The following ABCC1 variants were observed in gnomAD, a reference collection of about 807,000 sequenced individuals.
ABCC1 encodes multidrug resistance-associated protein 1.
Under a neutral mutation model 172.9 loss-of-function variants are expected in ABCC1, and 83 were observed. That is an observed-to-expected ratio of 0.48 (90% CI 0.40 to 0.58). The LOEUF (loss-of-function observed/expected upper bound fraction) is 0.58, where lower values mean the gene tolerates loss of function less well. Among genes scored for constraint, ABCC1 ranks in the 20% least tolerant of loss-of-function variants. The pLI is 0.00. For synonymous variants in ABCC1, 937 were observed against 825.2 expected (o/e 1.14, Z -2.32); for missense variants, 1,817 against 2,002.7 (o/e 0.91, Z 1.77).
Position 16,102,611 on chromosome 16 carries a change from G to A in ABCC1, c.2645-16G>A. On this transcript the variant is annotated splice_polypyrimidine_tract_variant and intron_variant, in intron 19 of 30. Coordinates refer to ENST00000399410, the MANE Select transcript of ABCC1 (RefSeq NM_004996.4). ...TCATATAACCCCACTTGCCCCCTTT[G>A]TCTCTCTTCTGCCAGGGGTCACGGG... is the stretch of plus-strand genomic sequence containing the variant. 6.4e-7 allele frequency: 1 copy of A among 1,564,942 alleles called. No homozygotes were observed. The highest frequency in any genetic ancestry group is 8.7e-7 in the Non-Finnish European group (1 of 1,154,182).
intron 7 of ABCC1, among the ~76,000 whole-genome samples, chr16:16,043,298 T>G (rs1320327576): frequency 2.0e-5 from 2 of 100,228 alleles, no homozygotes; most frequent in Non-Finnish European, 4.8e-5. Flanking sequence ...GTTGTTCTTT[T>G]TTTTGTTTTG....
intron 11 of ABCC1, 79 bp downstream of exon 11, chr16:16,052,895 T>C: frequency 1.4e-6 from 2 of 1,401,718 alleles, no homozygotes; most frequent in Admixed American, 3.5e-5. Flanking sequence ...TCCAGTTCCT[T>C]CTGCTCTGTC....
chr16:16,092,271 A>G (rs1304527268), intron 19 of ABCC1, among the ~76,000 whole-genome samples: 9 of 152,116 alleles, frequency 5.9e-5, no homozygotes. Flanking sequence ...AAAAATTCAT[A>G]CAACATACAA....
chr16:16,057,528 TC>T (rs945917264), intron 12 of ABCC1, among the ~76,000 whole-genome samples: 2 of 146,830 alleles, frequency 1.4e-5, no homozygotes, highest in Admixed American at 6.8e-5. Context: ...AATATTGTCA[TC>T]CATTGTAAAA....
chr16:16,019,338 A>G lies in ABCC1; in HGVS notation c.615+2717A>G, dbSNP rs1178015249. Among the ~76,000 whole-genome samples the G allele has an allele frequency of 2.6e-5, 4 of 152,174 alleles. No individual in the cohort carries two copies. The East Asian group carries it at 7.8e-4, about 30-fold the overall frequency. On this transcript the variant is annotated intron_variant, in intron 5 of 30. Transcript: ENST00000399410. ...CGGCTGGTCTCGAACTCCTGACCTC[A>G]AGTGATCCACCCGCCTCGGCCTCCC...
chr16:16,100,365 G>T (rs900538977), intron 19 of ABCC1, among the ~76,000 whole-genome samples: 6 of 496 alleles, frequency 0.012, no homozygotes, highest in South Asian at 0.5. Context: ...GTAGGAGAGC[G>T]GGGGGGCTCT....
At chr16:16,052,884 G>T (rs2049492276) in intron 11 of ABCC1, 68 bp downstream of exon 11, 5 of 1,485,360 alleles carry the variant, frequency 3.4e-6, no homozygotes, top group African/African-American at 1.4e-5. Context: ...GAGGATTTTA[G>T]TCCAGTTCCT....
chr16:16,004,498 C>T (rs1013913420), intron 1 of ABCC1, among the ~76,000 whole-genome samples: 9 of 152,084 alleles, frequency 5.9e-5, no homozygotes, highest in Admixed American at 3.9e-4. Context: ...AATAATCAGT[C>T]TTTGAGATGT....
At chr16:16,057,592 TCAGTTCCTC>T (rs1175643557) in intron 12 of ABCC1, among the ~76,000 whole-genome samples, 2 of 151,926 alleles carry the variant, frequency 1.3e-5, no homozygotes, top group Non-Finnish European at 2.9e-5. Flanking sequence ...CTCTCTTCCA[TCAGTTCCTC>T]CCTTCTAAAG....
chr16:16,142,378 C>A lies in ABCC1; in HGVS notation c.*1097C>A, dbSNP rs2046155727. ...TTCTTTCCCTCTCATGGTACCTGCT[C>A]ATGGTTATGAAGCTTTCAAAGTAAA... On this transcript the variant is annotated 3_prime_UTR_variant, in exon 31 of 31. Transcript: ENST00000399410. The A allele has an allele frequency of 6.6e-6, 1 of 152,200 alleles. No individual in the cohort carries two copies. The highest frequency in any genetic ancestry group is 1.5e-5 in the Non-Finnish European group (1 of 68,034). 9.4% of individuals were successfully genotyped at this position (152,200 alleles called of 1,614,324 possible).
At chr16:16,029,312 T>C (rs1295780955) in intron 5 of ABCC1, among the ~76,000 whole-genome samples, 1 of 152,152 alleles carries the variant, frequency 6.6e-6, no homozygotes, top group African/African-American at 2.4e-5. Context: ...AACCTCTGCC[T>C]CCCGGGTTCA....
intron 1 of ABCC1, among the ~76,000 whole-genome samples, chr16:15,973,794 A>G (rs2046422395): frequency 6.6e-6 from 1 of 151,710 alleles, no homozygotes; most frequent in Non-Finnish European, 1.5e-5. Context: ...TGGGCAACAT[A>G]GCGAGACCCA....
At chr16:15,959,185 A>C (rs2046072235) in intron 1 of ABCC1, among the ~76,000 whole-genome samples, 1 of 151,946 alleles carries the variant, frequency 6.6e-6, no homozygotes, top group South Asian at 2.1e-4. Context: ...AGGAGGTTAA[A>C]CTCCAATTAG....
chr16:16,120,708 C>T (rs1241732057), intron 23 of ABCC1, among the ~76,000 whole-genome samples: 3 of 151,964 alleles, frequency 2.0e-5, no homozygotes, highest in Admixed American at 6.6e-5. Flanking sequence ...TGGAGGCAGG[C>T]GGCCTGTGTG....
At position 16,090,445 on chromosome 16, in the gene ABCC1, A is replaced by T. The variant is rs753909153; in HGVS notation, c.2501A>T (p.Gln834Leu). The T allele has an allele frequency of 1.9e-6, 3 of 1,612,938 alleles. No individual in the cohort carries two copies. In the Admixed American group the frequency reaches 5.0e-5, roughly 27 times the overall value. Residue 834 changes from glutamine to leucine, a missense_variant, in exon 19 of 31, where the codon CAG (glutamine) becomes CTG (leucine). Transcript: ENST00000399410. The stretch of plus-strand genomic sequence containing the variant: ...ACGCACAGCATGAGCTACTTGCCGC[A>T]GGTGGACGTCATCATCGTCATGAGT... ...LVTHSMSYLP[Q>L]VDVIIVMSGG...
chr16:16,105,176 A>T (rs988766502), intron 20 of ABCC1, among the ~76,000 whole-genome samples: 28 of 152,258 alleles, frequency 1.8e-4, no homozygotes, highest in African/African-American at 6.8e-4. Context: ...GGCTGCCAGC[A>T]CGCTGTCACT....
chr16:15,975,805 C>T (rs565656228), intron 1 of ABCC1, among the ~76,000 whole-genome samples: 1 of 152,148 alleles, frequency 6.6e-6, no homozygotes, highest in East Asian at 2.0e-4. Flanking sequence ...ATCTGCCCGC[C>T]TCAGCCTCCC....
At chr16:16,026,399 G>A (rs927228941) in intron 5 of ABCC1, among the ~76,000 whole-genome samples, 4 of 125,282 alleles carry the variant, frequency 3.2e-5, no homozygotes, top group Non-Finnish European at 6.3e-5. Context: ...GCACCATTGC[G>A]CTGCAGCCTG....
At chr16:16,042,594 T>A (rs1309909638) in intron 7 of ABCC1, among the ~76,000 whole-genome samples, 2 of 151,594 alleles carry the variant, frequency 1.3e-5, no homozygotes, top group Non-Finnish European at 2.9e-5. Context: ...TCCCAGCTAC[T>A]CGGGAGGCTG....
Sources: gnomAD v4.1 joint callset for allele counts (sites outside exome capture counted in the v4.1 genomes callset) on GRCh38, gnomAD v4.1.1 for gene constraint, MANE v1.5 for transcripts, NCBI Gene and HGNC (gene_info 2026-07-23, HGNC 2026-07-21) for gene names.